MEF2C: variants seen among roughly 807,000 people sequenced by gnomAD.
MEF2C encodes myocyte-specific enhancer factor 2C.
In MEF2C, 6 loss-of-function variants were observed where a neutral mutation model predicts 50.5. That is an observed-to-expected ratio of 0.12 (90% CI 0.07 to 0.23). The LOEUF (loss-of-function observed/expected upper bound fraction) is 0.23. MEF2C is among the 10% of genes least tolerant of loss of function. The pLI is 1.00. For missense variants in MEF2C, 276 were observed against 605.0 expected, an observed-to-expected ratio of 0.46 and a Z score of 5.70; for synonymous variants, 183 against 228.0, an observed-to-expected ratio of 0.80 and a Z score of 1.78.
intron 4 of MEF2C, among the ~76,000 whole-genome samples, chr5:88,760,308 A>G (rs1777263654): frequency 6.6e-6 from 1 of 152,228 alleles, no homozygotes; most frequent in Admixed American, 6.5e-5. Flanking sequence ...AATTTTTTTC[A>G]TTTGGTTAAA....
Position 88,831,529 on chromosome 5 carries a change from T to C in MEF2C, c.-142-7599A>G, listed in dbSNP as rs139542064. Among the ~76,000 whole-genome samples, 570 of 152,088 alleles carry C rather than the reference T, an allele frequency of 3.7e-3. 6 individuals carry two copies. The highest frequency in any genetic ancestry group is 0.013 in the African/African-American group (552 of 41,548). On this transcript the variant is annotated intron_variant, in intron 1 of 10. Coordinates refer to ENST00000504921, the MANE Select transcript of MEF2C (RefSeq NM_002397.5). ...ACCTTGAAATGGGAAGAAATACCAT[T>C]GTCCCCCTGCCAATGTTTTTGTTGT...
Position 88,897,548 on chromosome 5 carries a change from C to T in MEF2C, c.-240+6368G>A, listed in dbSNP as rs143508927. 5.9e-5 allele frequency among the ~76,000 whole-genome samples: 9 copies of T among 152,174 alleles called. No individual in the cohort carries two copies. In the East Asian group the frequency reaches 1.3e-3, roughly 23 times the overall value. On this transcript the variant is annotated intron_variant, in intron 1 of 11. Coordinates refer to the MEF2C transcript ENST00000340208. Reference sequence around the variant, plus strand: ...ACTGTCCTGAAGAGTTCGCTCAAGCCGTTTTATCACATTTCAAGCTGTATT... The same window carrying T: ...ACTGTCCTGAAGAGTTCGCTCAAGCTGTTTTATCACATTTCAAGCTGTATT...
rs1408041739 is a variant in MEF2C, at chr5:88,869,751, T to C, written c.-143+13204A>G. Among the ~76,000 whole-genome samples, 3 of 150,422 alleles carry C rather than the reference T, an allele frequency of 2.0e-5. No homozygotes were observed. In the Admixed American group the frequency reaches 2.0e-4, roughly 10 times the overall value. ...TTTTATTAAGAACAGTCAATAGAAATAGAGAAATCTTAACGAACAAAAATT... is the reference window on the plus strand; with the variant it reads ...TTTTATTAAGAACAGTCAATAGAAACAGAGAAATCTTAACGAACAAAAATT... On this transcript the variant is annotated intron_variant, in intron 1 of 10. Transcript: ENST00000504921.
intron 3 of MEF2C, 89 bp downstream of exon 3, chr5:88,804,509 A>G: frequency 8.7e-7 from 1 of 1,154,210 alleles, no homozygotes; most frequent in Non-Finnish European, 1.3e-6. Flanking sequence ...TAAGAAAAAG[A>G]ACATGATGTG....
chr5:88,867,823 C>T (rs569134729), intron 1 of MEF2C, among the ~76,000 whole-genome samples: 9 of 152,224 alleles, frequency 5.9e-5, no homozygotes, highest in African/African-American at 1.9e-4. Flanking sequence ...CAACATATGT[C>T]GATGCAGATG....
chr5:88,782,300 T>A (rs571527540), intron 3 of MEF2C: 1 of 336,256 alleles, frequency 3.0e-6, no homozygotes, highest in Admixed American at 6.5e-5. Context: ...ATCCTGTCTC[T>A]ACAAAAAATA....
chr5:88,723,181 C>A (rs1049961541), intron 10 of MEF2C, among the ~76,000 whole-genome samples: 1 of 152,186 alleles, frequency 6.6e-6, no homozygotes, highest in Admixed American at 6.5e-5. Context: ...CTCCGAGAGG[C>A]TCCCTAAACA....
intron 6 of MEF2C, chr5:88,737,203 A>G: frequency 1.0e-6 from 1 of 985,252 alleles, no homozygotes; most frequent in African/African-American, 1.7e-5. Context: ...TCTTCTCTTT[A>G]TGCTACTTGA....
chr5:88,826,605 T>C (rs769203245), intron 1 of MEF2C, among the ~76,000 whole-genome samples: 1 of 152,028 alleles, frequency 6.6e-6, no homozygotes, highest in African/African-American at 2.4e-5. Flanking sequence ...TTCTCTAACC[T>C]AATTTTTATG....
chr5:88,872,335 T>C (rs1279529297), intron 1 of MEF2C, among the ~76,000 whole-genome samples: 2 of 152,024 alleles, frequency 1.3e-5, no homozygotes, highest in African/African-American at 4.8e-5. Context: ...TCATGGATGG[T>C]ATCATTTTGT....
chr5:88,867,746 A>C (rs922888725), intron 1 of MEF2C, among the ~76,000 whole-genome samples: 2 of 152,220 alleles, frequency 1.3e-5, no homozygotes, highest in African/African-American at 4.8e-5. Context: ...GAAAGTATCA[A>C]TTATATTTAT....
rs568137730 is a variant in MEF2C at position 88,853,433 on chromosome 5, A to G, written c.-142-29503T>C. ...ACGTTCTGTTAGCTCCATAATGCCT[A>G]GACATTTAGTAAGTTGAAACAGTAT... On this transcript the variant is annotated intron_variant, in intron 1 of 10. Transcript: ENST00000504921. Among the ~76,000 whole-genome samples, 5 of 152,318 alleles carry G rather than the reference A, an allele frequency of 3.3e-5. No individual in the cohort carries two copies. The South Asian group carries it at 1.0e-3, about 32-fold the overall frequency.
intron 2 of MEF2C, among the ~76,000 whole-genome samples, chr5:88,810,290 A>G (rs1802217935): frequency 6.6e-6 from 1 of 152,172 alleles, no homozygotes; most frequent in Non-Finnish European, 1.5e-5. Flanking sequence ...TAATTACACT[A>G]TCTTGGAATT....
At chr5:88,825,372 C>A (rs1483755169) in intron 1 of MEF2C, 3 of 421,142 alleles carry the variant, frequency 7.1e-6, no homozygotes, top group Non-Finnish European at 9.5e-6. Context: ...TATCCATTCT[C>A]TTTTGCCTCA....
At chr5:88,869,939 C>T (rs1829007385) in intron 1 of MEF2C, among the ~76,000 whole-genome samples, 1 of 151,062 alleles carries the variant, frequency 6.6e-6, no homozygotes, top group Non-Finnish European at 1.5e-5. Context: ...GTGTCAAACA[C>T]TTAGGGAAAT....
At chr5:88,822,990 G>A (rs1334036242) in intron 2 of MEF2C, among the ~76,000 whole-genome samples, 1 of 151,904 alleles carries the variant, frequency 6.6e-6, no homozygotes, top group Non-Finnish European at 1.5e-5. Context: ...CTAGTGTGAA[G>A]AAAAATAGAG....
chr5:88,743,373 G>A (rs1561773160), intron 6 of MEF2C: 1 of 985,214 alleles, frequency 1.0e-6, no homozygotes, highest in Non-Finnish European at 1.2e-6. Context: ...CAATAAGAAA[G>A]TCAGCCAAGA....
At chr5:88,873,078 G>A (rs544823187) in intron 1 of MEF2C, among the ~76,000 whole-genome samples, 3 of 151,390 alleles carry the variant, frequency 2.0e-5, no homozygotes, top group African/African-American at 4.9e-5. Context: ...CACTCACACC[G>A]TTGGAGTTCT....
At chr5:88,835,874 C>T (rs1197923803) in intron 1 of MEF2C, among the ~76,000 whole-genome samples, 1 of 144,290 alleles carries the variant, frequency 6.9e-6, no homozygotes, top group African/African-American at 2.6e-5. Flanking sequence ...TAAAGGACAA[C>T]AGGCTCCCAC....
Sources: gnomAD v4.1 joint callset for allele counts (sites outside exome capture counted in the v4.1 genomes callset) on GRCh38, gnomAD v4.1.1 for gene constraint, MANE v1.5 for transcripts, NCBI Gene and HGNC (gene_info 2026-07-23, HGNC 2026-07-21) for gene names.